CFAP44: variants seen among roughly 807,000 people sequenced by gnomAD.
CFAP44 encodes cilia and flagella associated protein 44.
A neutral mutation model predicts 216.2 loss-of-function variants in CFAP44; 134 were observed. The ratio of observed to expected loss-of-function variants is 0.62; its 90% confidence interval spans 0.54 to 0.72. CFAP44 has a LOEUF of 0.72. Ranked by LOEUF, CFAP44 falls within the 30% of genes least tolerant of loss-of-function variation. CFAP44 has a pLI of 0.00. For synonymous variants in CFAP44, 700 were observed against 727.6 expected (o/e 0.96, Z 0.61); for missense variants, 2,035 against 2,182.1 (o/e 0.93, Z 1.34).
chr3:113,339,763 T>C (rs1239048192), intron 24 of CFAP44, among the ~76,000 whole-genome samples: 7 of 152,192 alleles, frequency 4.6e-5, no homozygotes, highest in African/African-American at 7.2e-5. Context: ...AAATGTGCCC[T>C]GCCAAATTTG....
chr3:113,358,541 A>C (rs1182560559), intron 22 of CFAP44, among the ~76,000 whole-genome samples: 1 of 152,206 alleles, frequency 6.6e-6, no homozygotes, highest in Non-Finnish European at 1.5e-5. Context: ...GTGTTAAACA[A>C]ATTTCCCACA....
At chr3:113,419,929 G>A (rs1934764934) in intron 5 of CFAP44, 88 bp downstream of exon 5, 3 of 1,358,096 alleles carry the variant, frequency 2.2e-6, no homozygotes, top group Non-Finnish European at 3.0e-6. Context: ...GCATGGTGTT[G>A]GCATCTAACA....
chr3:113,395,670 C>T lies in CFAP44; in HGVS notation c.1890+80G>A, dbSNP rs948039923. ...AACCAGGAGTGGGCTAAAAATTCCA[C>T]CTGCTATTTTCTATCTACAAGATAG... is the stretch of plus-strand genomic sequence containing the variant. On this transcript the variant is annotated intron_variant, in intron 15 of 34. Transcript: ENST00000393845. 65 of 1,271,870 alleles carry T rather than the reference C, an allele frequency of 5.1e-5. 1 individual carries two copies. The highest frequency in any genetic ancestry group is 4.1e-4 in the Middle Eastern group (2 of 4,824). 78.8% of individuals were successfully genotyped at this position (1,271,870 alleles called of 1,614,324 possible).
intron 28 of CFAP44, among the ~76,000 whole-genome samples, chr3:113,309,992 AG>A (rs2107796150): frequency 6.6e-6 from 1 of 152,334 alleles, no homozygotes; most frequent in African/African-American, 2.4e-5. Flanking sequence ...CAAACACCAC[AG>A]AAAAACTCTG....
intron 28 of CFAP44, among the ~76,000 whole-genome samples, chr3:113,323,370 A>G (rs1477093049): frequency 6.6e-6 from 1 of 152,218 alleles, no homozygotes; most frequent in Non-Finnish European, 1.5e-5. Flanking sequence ...GGAACAGAAA[A>G]CCAAATACTA....
chr3:113,323,703 C>T (rs769183877), intron 28 of CFAP44, among the ~76,000 whole-genome samples: 3 of 151,932 alleles, frequency 2.0e-5, no homozygotes, highest in African/African-American at 7.3e-5. Context: ...ATGAAATATA[C>T]CAATTCCTCA....
chr3:113,410,119 T>C (rs181788615), intron 6 of CFAP44, among the ~76,000 whole-genome samples: 3 of 152,326 alleles, frequency 2.0e-5, no homozygotes, highest in Admixed American at 2.0e-4. Flanking sequence ...TAGCCATTCT[T>C]TTATTCCTTT....
intron 22 of CFAP44, among the ~76,000 whole-genome samples, chr3:113,358,142 C>A (rs1027057612): frequency 6.6e-6 from 1 of 152,094 alleles, no homozygotes; most frequent in Non-Finnish European, 1.5e-5. Flanking sequence ...AAAACTAATA[C>A]ATGGCAATAA....
At chr3:113,362,956 T>C in intron 21 of CFAP44, 189 bp downstream of exon 21, 2 of 1,324,240 alleles carry the variant, frequency 1.5e-6, no homozygotes, top group Non-Finnish European at 1.9e-6. Flanking sequence ...ACAAGAATCT[T>C]AACTGATTAA....
chr3:113,291,530 T>C lies in CFAP44; in HGVS notation c.*27A>G. On this transcript the variant is annotated 3_prime_UTR_variant, in exon 35 of 35. Coordinates refer to ENST00000393845, the MANE Select transcript of CFAP44 (RefSeq NM_001164496.2). ...CTTCCAGTGAGTTATGTCAGAAATC[T>C]TGTATGGGTTTGAGAAAATAGCAAA... The C allele has an allele frequency of 2.0e-6, 3 of 1,529,348 alleles. No individual in the cohort carries two copies. The highest frequency in any genetic ancestry group is 2.6e-6 in the Non-Finnish European group (3 of 1,140,642). 94.7% of individuals were successfully genotyped at this position (1,529,348 alleles called of 1,614,324 possible). A position where few individuals can be genotyped will look rare whatever the true frequency, so the allele number is the denominator to read the frequency against.
chr3:113,351,842 A>G (rs2107828858), intron 22 of CFAP44, among the ~76,000 whole-genome samples: 1 of 152,214 alleles, frequency 6.6e-6, no homozygotes, highest in South Asian at 2.1e-4. Flanking sequence ...AATCGATGCC[A>G]TCAAGCTACA....
chr3:113,332,753 A>T (rs1222511311), intron 25 of CFAP44, among the ~76,000 whole-genome samples: 1 of 152,210 alleles, frequency 6.6e-6, no homozygotes, highest in East Asian at 1.9e-4. Context: ...ACAAAGAAAT[A>T]TATTAGTTTG....
At chr3:113,319,127 A>G (rs1950117883) in intron 28 of CFAP44, among the ~76,000 whole-genome samples, 1 of 152,134 alleles carries the variant, frequency 6.6e-6, no homozygotes, top group Non-Finnish European at 1.5e-5. Context: ...ACCCCACTTA[A>G]AAGCTAGAGT....
In CFAP44 at chr3:113,380,929, G is replaced by A. The variant is rs994904927; in HGVS notation, c.2022C>T (p.Phe674=). The stretch of plus-strand genomic sequence containing the variant: ...TCTTAGATTTGACACTTGAAAAATG[G>A]AAACATTTTATGCACATGTCTTTGA... ...YEIKDMCIKC[F]HFSSVKSKIL... is the part of the protein sequence containing the mutation. The change falls in exon 16 of 35, where the codon TTC becomes TTT. Residue 674 remains phenylalanine, a synonymous_variant. Transcript: ENST00000393845. 1 of 1,582,228 alleles carries A rather than the reference G, an allele frequency of 6.3e-7. No homozygotes were observed. Among genetic ancestry groups the A allele is most frequent in the African/African-American group, 1.4e-5 (1 of 73,700 alleles).
intron 22 of CFAP44, among the ~76,000 whole-genome samples, chr3:113,346,946 G>A (rs376021647): frequency 1.2e-3 from 176 of 152,192 alleles, no homozygotes; most frequent in African/African-American, 3.9e-3. Context: ...CACTCACCGC[G>A]AAGGCCCGTG....
At chr3:113,345,998 T>C (rs1482384657) in intron 22 of CFAP44, among the ~76,000 whole-genome samples, 1 of 152,220 alleles carries the variant, frequency 6.6e-6, no homozygotes, top group Non-Finnish European at 1.5e-5. Context: ...TTTTAGCCTT[T>C]CCATGAGACC....
chr3:113,393,145 G>A (rs1195898052), intron 15 of CFAP44, among the ~76,000 whole-genome samples: 2 of 152,210 alleles, frequency 1.3e-5, no homozygotes, highest in African/African-American at 2.4e-5. Context: ...CAGCTGGTAA[G>A]GGCTAAGACC....
intron 11 of CFAP44, 29 bp downstream of exon 11, chr3:113,401,211 G>A: frequency 6.4e-7 from 1 of 1,556,794 alleles, no homozygotes; most frequent in African/African-American, 1.4e-5. Context: ...ATGAAAGTTA[G>A]GAGAAAATAA....
chr3:113,309,702 C>T (rs1950020510), intron 28 of CFAP44, among the ~76,000 whole-genome samples: 1 of 152,028 alleles, frequency 6.6e-6, no homozygotes, highest in Middle Eastern at 3.2e-3. Context: ...ACATTATATG[C>T]AAAACAAACA....
Sources: gnomAD v4.1 joint callset for allele counts (sites outside exome capture counted in the v4.1 genomes callset) on GRCh38, gnomAD v4.1.1 for gene constraint, MANE v1.5 for transcripts, NCBI Gene and HGNC (gene_info 2026-07-23, HGNC 2026-07-21) for gene names.